Variants in ORC1 observed in about 807,000 individuals in gnomAD.
ORC1 encodes origin recognition complex subunit 1.
Under a neutral mutation model 98.9 loss-of-function variants are expected in ORC1, and 61 were observed. The ratio of observed to expected loss-of-function variants is 0.62; its 90% CI spans 0.50 to 0.76. The LOEUF (loss-of-function observed/expected upper bound fraction) is 0.76. ORC1 is among the 30% of genes least tolerant of loss of function. The pLI, the probability that ORC1 is intolerant of heterozygous loss-of-function variation, is 0.00. For synonymous variants in ORC1, 385 were observed against 406.9 expected (o/e 0.95, Z 0.65); for missense variants, 979 against 1,072.2 (o/e 0.91, Z 1.21).
chr1:52,397,879 T>G lies in ORC1; in HGVS notation c.224-16A>C. The G allele has an allele frequency of 6.2e-7, 1 of 1,613,390 alleles. No individual in the cohort carries two copies. The highest frequency in any genetic ancestry group is 1.1e-5 in the South Asian group (1 of 91,056). ...GGATCAGAGTCTAGAAAGAATTTGG[T>G]GGAAAGGGAAAGGTTAAGACAACTC... On this transcript the variant is annotated splice_polypyrimidine_tract_variant and intron_variant, in intron 3 of 16. Coordinates refer to ENST00000371568, the MANE Select transcript of ORC1 (RefSeq NM_004153.4).
intron 14 of ORC1, among the ~76,000 whole-genome samples, chr1:52,380,753 TTAGA>T (rs1569913365): frequency 1.3e-5 from 2 of 151,690 alleles, no homozygotes. Context: ...AAAAAGCCTC[TTAGA>T]TAGTCTAGAT....
In ORC1 at chr1:52,397,842, T is replaced by G. The variant is rs1647489357; in HGVS notation, c.245A>C (p.Lys82Thr). 1 of 1,614,222 alleles carries G rather than the reference T, an allele frequency of 6.2e-7. No individual in the cohort carries two copies. Among genetic ancestry groups the G allele is most frequent in the Non-Finnish European group, 8.5e-7 (1 of 1,180,034 alleles). Reference protein sequence around the residue: ...FEDDSDPPPKKRARVQWFVRF... With the variant: ...FEDDSDPPPKTRARVQWFVRF... ...GACAAACCACTGTACTCGAGCACGT[T>G]TCTTAGGAGGAGGATCAGAGTCTAG... is the stretch of plus-strand genomic sequence containing the variant. The change falls in exon 4 of 17, where the codon AAA becomes ACA. Residue 82 changes from lysine (K) to threonine (T), a missense_variant. By Grantham distance (78) the Lys-to-Thr change is moderately conservative. Transcript: ENST00000371568.
intron 14 of ORC1, among the ~76,000 whole-genome samples, chr1:52,376,687 T>C (rs527366090): frequency 2.0e-5 from 3 of 152,196 alleles, no homozygotes; most frequent in South Asian, 2.1e-4. Flanking sequence ...GTGTGGTGAA[T>C]AGCAGGGACT....
rs1005573712 is a variant in ORC1 at position 52,399,263 on chromosome 1, C to G, written c.224-1400G>C. Among the ~76,000 whole-genome samples the G allele has an allele frequency of 1.2e-3, 179 of 152,248 alleles. 1 individual carries two copies. The highest frequency in any genetic ancestry group is 1.6e-4 in the Non-Finnish European group (11 of 68,014). On this transcript the variant is annotated intron_variant, in intron 3 of 16. Transcript: ENST00000371568. ...CAGTACTCTGGGAGGCCAAGGCAGG[C>G]GGATCACTTGAGGTCAGGAGTTGGA...
At chr1:52,384,073 T>A in intron 11 of ORC1, 136 bp from the exon 12 acceptor site, 1 of 730,218 alleles carries the variant, frequency 1.4e-6, no homozygotes, top group Non-Finnish European at 2.5e-6. Flanking sequence ...AATCTAGTCT[T>A]AACCTTTACT....
chr1:52,395,410 A>G (rs1055011218), intron 5 of ORC1, among the ~76,000 whole-genome samples: 1 of 152,244 alleles, frequency 6.6e-6, no homozygotes, highest in Non-Finnish European at 1.5e-5. Flanking sequence ...GGACAAGGAA[A>G]GGAGTAGTGC....
chr1:52,384,806 T>C, intron 10 of ORC1, 85 bp from the exon 11 acceptor site: 1 of 1,231,506 alleles, frequency 8.1e-7, no homozygotes, highest in South Asian at 1.3e-5. Context: ...GAATGTATAC[T>C]GAGGGAAGGA....
chr1:52,396,515 C>A, intron 4 of ORC1, 151 bp from the exon 5 acceptor site: 1 of 843,654 alleles, frequency 1.2e-6, no homozygotes. Flanking sequence ...CATGGCATAG[C>A]ATATTGCTAG....
rs973393459 is a variant in ORC1, at chr1:52,385,744, A to C, written c.1481+108T>G. ...TAGATAGGTAAAAGTATAGACACAC[A>C]GTGTATCTACCTTTATTAGGTAGAC... On this transcript the variant is annotated intron_variant, in intron 9 of 16. Transcript: ENST00000371568. 5.3e-5 allele frequency: 41 copies of C among 770,280 alleles called. No homozygotes were observed. In the African/African-American group the frequency reaches 6.5e-4, roughly 12 times the overall value. 47.7% of individuals were successfully genotyped at this position (770,280 alleles called of 1,614,324 possible). A position where few individuals can be genotyped will look rare whatever the true frequency, so the allele number is the denominator to read the frequency against.
At position 52,402,113 on chromosome 1, in the gene ORC1, G is replaced by A. The variant is rs780519898; in HGVS notation, c.95+16C>T. On this transcript the variant is annotated intron_variant, in intron 2 of 16. Coordinates refer to ENST00000371568, the MANE Select transcript of ORC1 (RefSeq NM_004153.4). ...AAGCTGTATTTCCAGGACAACCAAA[G>A]GACCCCATCACTCACCTATAGGTTT... is the stretch of plus-strand genomic sequence containing the variant. 1.3e-6 allele frequency: 2 copies of A among 1,588,956 alleles called. No individual in the cohort carries two copies. Among genetic ancestry groups the A allele is most frequent in the Non-Finnish European group, 1.7e-6 (2 of 1,157,118 alleles).
chr1:52,402,023 G>A, intron 2 of ORC1, 106 bp downstream of exon 2: 2 of 852,410 alleles, frequency 2.3e-6, no homozygotes, highest in South Asian at 1.4e-5. Flanking sequence ...CTAATCTCCT[G>A]TTCATTCATG....
At chr1:52,376,301 G>T (rs578085439) in intron 14 of ORC1, among the ~76,000 whole-genome samples, 90 of 152,252 alleles carry the variant, frequency 5.9e-4, no homozygotes, top group Non-Finnish European at 1.1e-3. Context: ...GATCACTTGA[G>T]GTCAGAAGTT....
chr1:52,384,470 G>A (rs893354305), intron 11 of ORC1, 80 bp downstream of exon 11: 20 of 1,305,362 alleles, frequency 1.5e-5, no homozygotes, highest in South Asian at 2.4e-5. Context: ...TGCAATACAC[G>A]CAAAATTAAG....
At chr1:52,403,773 T>G (rs1254083000) in intron 1 of ORC1, among the ~76,000 whole-genome samples, 1 of 151,950 alleles carries the variant, frequency 6.6e-6, no homozygotes, top group Non-Finnish European at 1.5e-5. Flanking sequence ...AAGATCTGGG[T>G]AGGAGCCCAG....
chr1:52,408,795 A>G (rs1024873258), upstream of ORC1: 22 of 1,351,302 alleles, frequency 1.6e-5, no homozygotes, highest in African/African-American at 5.8e-5. Context: ...GCTCCTTTTC[A>G]TCTACATTGT....
chr1:52,401,403 T>C lies in ORC1; in HGVS notation c.182A>G (p.Glu61Gly). ...QFVLIEGDDD[E>G]NPYVAKLLEL... ...AAGCAATTTAGCAACATACGGGTTTTCATCATCATCCCCTTCAATCAACAC... is the reference window on the plus strand; with the variant it reads ...AAGCAATTTAGCAACATACGGGTTTCCATCATCATCCCCTTCAATCAACAC... Residue 61 changes from glutamate to glycine, a missense_variant, in exon 3 of 17, where the codon GAA (glutamate) becomes GGA (glycine). Transcript: ENST00000371568. The C allele has an allele frequency of 6.2e-7, 1 of 1,614,062 alleles. No homozygotes were observed. The highest frequency in any genetic ancestry group is 8.5e-7 in the Non-Finnish European group (1 of 1,180,016).
At chr1:52,383,677 G>A (rs971455509) in intron 12 of ORC1, 108 bp from the exon 13 acceptor site, 79 of 1,386,644 alleles carry the variant, frequency 5.7e-5, no homozygotes, top group Non-Finnish European at 7.6e-5. Flanking sequence ...CCAAGTCATA[G>A]CACCAAAACA....
rs768521500 is a variant in ORC1 at position 52,384,659 on chromosome 1, C to A, written c.1646G>T (p.Arg549Leu). Residue 549 changes from arginine (R) to leucine (L), a missense_variant, in exon 11 of 17, where the codon CGC (arginine) becomes CTC (leucine). Transcript: ENST00000371568. ...GKTATVHEVI[R>L]CLQQAAQAND... ...GGCTTGGGCTGCCTGCTGCAGGCAG[C>A]GTATCACTTCATGAACAGTGGCAGT... is the stretch of plus-strand genomic sequence containing the variant. The A allele has an allele frequency of 6.2e-7, 1 of 1,613,746 alleles. No homozygotes were observed. The highest frequency in any genetic ancestry group is 1.1e-5 in the South Asian group (1 of 91,072).
Position 52,375,582 on chromosome 1 carries a change from T to C in ORC1, c.2151A>G (p.Gly717=). Residue 717 remains glycine (G), a synonymous_variant, in exon 15 of 17, where the codon GGA becomes GGG. Coordinates refer to ENST00000371568, the MANE Select transcript of ORC1 (RefSeq NM_004153.4). ...LVARKVAALS[G]DARRCLDICR... The stretch of plus-strand genomic sequence containing the variant: ...AGATGTCCAGGCACCGTCGTGCATC[T>C]CCAGACAGTGCTGCTACCTACAAGA... 6.2e-7 allele frequency: 1 copy of C among 1,613,962 alleles called. No individual in the cohort carries two copies. The highest frequency in any genetic ancestry group is 2.2e-5 in the East Asian group (1 of 44,876).
Sources: allele counts gnomAD v4.1 joint callset (sites outside exome capture counted in the v4.1 genomes callset), GRCh38; gene constraint gnomAD v4.1.1; transcripts MANE v1.5; gene names NCBI Gene and HGNC (gene_info 2026-07-23, HGNC 2026-07-21).